The following YIPF7 variants were observed in gnomAD, a reference collection of about 807,000 sequenced individuals.
The protein encoded by YIPF7 is Yip1 domain family member 7.
YIPF7 carries 35 observed loss-of-function variants against 27.2 expected under a neutral mutation model. The ratio of observed to expected loss-of-function variants is 1.29; its 90% confidence interval spans 0.98 to 1.70. The LOEUF (loss-of-function observed/expected upper bound fraction) is 1.70, where lower values mean the gene tolerates loss of function less well. YIPF7 is among the 40% of genes most tolerant of loss of function. YIPF7 has a pLI of 0.00. For missense variants in YIPF7, 358 were observed against 303.7 expected (o/e 1.18, Z -1.33); for synonymous variants, 137 against 110.4 (o/e 1.24, Z -1.51).
intron 2 of YIPF7, among the ~76,000 whole-genome samples, chr4:44,659,643 T>A (rs1202044273): frequency 6.6e-6 from 1 of 152,192 alleles, no homozygotes; most frequent in African/African-American, 2.4e-5. Flanking sequence ...CTAGTTTTAG[T>A]AAGGCTGAAG....
At chr4:44,638,936 T>G (rs998343974) in intron 2 of YIPF7, among the ~76,000 whole-genome samples, 1 of 152,238 alleles carries the variant, frequency 6.6e-6, no homozygotes, top group Non-Finnish European at 1.5e-5. Context: ...GCACCATTTA[T>G]TGAAAAGAGT....
At chr4:44,632,712 T>G (rs1246683681) in intron 3 of YIPF7, among the ~76,000 whole-genome samples, 2 of 152,342 alleles carry the variant, frequency 1.3e-5, no homozygotes, top group East Asian at 3.9e-4. Flanking sequence ...AAATTGTATT[T>G]TTTTTATATC....
At chr4:44,655,023 T>C (rs1713851485), upstream of YIPF7, among the ~76,000 whole-genome samples, 1 of 152,004 alleles carries the variant, frequency 6.6e-6, no homozygotes, top group Admixed American at 6.6e-5. Flanking sequence ...GCAGTAGGAA[T>C]CAATAGGAAT....
chr4:44,646,796 C>T (rs1191394218), intron 2 of YIPF7, among the ~76,000 whole-genome samples: 5 of 151,902 alleles, frequency 3.3e-5, no homozygotes, highest in Non-Finnish European at 5.9e-5. Flanking sequence ...TGTGGACAGG[C>T]GTGAAGGAAG....
intron 3 of YIPF7, among the ~76,000 whole-genome samples, chr4:44,635,287 G>GA (rs1004556756): frequency 1.9e-3 from 274 of 146,762 alleles, no homozygotes; most frequent in Admixed American, 6.1e-3. Context: ...GGCTACATAT[G>GA]AAAAAAAAAA....
intron 4 of YIPF7, among the ~76,000 whole-genome samples, chr4:44,628,685 T>C (rs550259466): frequency 6.6e-6 from 1 of 152,222 alleles, no homozygotes; most frequent in South Asian, 2.1e-4. Context: ...TAATGAAACA[T>C]TTTCCTAAAC....
rs113443231 is a variant in YIPF7, at chr4:44,624,216, C to T, written c.608+385G>A. Among the ~76,000 whole-genome samples, 1,393 of 152,006 alleles carry T rather than the reference C, an allele frequency of 9.2e-3. 27 individuals carry two copies. The highest frequency in any genetic ancestry group is 0.032 in the African/African-American group (1,332 of 41,458). ...AGTAGATGGGATTACAGGCCTGCGC[C>T]ACCATGCCTGGCTAATTTTGTATTT... On this transcript the variant is annotated intron_variant, in intron 5 of 5. Coordinates refer to ENST00000415895, the MANE Select transcript of YIPF7 (RefSeq NM_182592.3).
intron 1 of YIPF7, among the ~76,000 whole-genome samples, chr4:44,651,170 T>C (rs1713727373): frequency 1.3e-5 from 2 of 152,198 alleles, no homozygotes; most frequent in East Asian, 1.9e-4. Context: ...TTGTCAAATA[T>C]ATCAAATTTG....
Position 44,622,267 on chromosome 4 carries a change from C to T in YIPF7, c.*147G>A, listed in dbSNP as rs1431921813. ...TTCAAACCAACAGGCTATTAGAGCA[C>T]CACCCTTAAGTGCTGCTTTGTCTCT... On this transcript the variant is annotated 3_prime_UTR_variant, in exon 6 of 6. Coordinates refer to ENST00000415895, the MANE Select transcript of YIPF7 (RefSeq NM_182592.3). The T allele has an allele frequency of 1.4e-5, 14 of 980,082 alleles. No homozygotes were observed. The highest frequency in any genetic ancestry group is 1.3e-4 in the South Asian group (7 of 55,284). The allele number at this position is 980,082 out of a possible 1,614,324, so 60.7% of individuals were successfully genotyped here.
chr4:44,624,911 A>G lies in YIPF7; in HGVS notation c.427-129T>C, dbSNP rs996080602. ...TCCATGTCTTTGTAGGACTGTCATCAGGAGACTGGAAGTTCTGGGAAAAAC... is the reference window on the plus strand; with the variant it reads ...TCCATGTCTTTGTAGGACTGTCATCGGGAGACTGGAAGTTCTGGGAAAAAC... On this transcript the variant is annotated intron_variant, in intron 4 of 5. Coordinates refer to ENST00000415895, the MANE Select transcript of YIPF7 (RefSeq NM_182592.3). 7.4e-6 allele frequency: 6 copies of G among 806,632 alleles called. No homozygotes were observed. In the African/African-American group the frequency reaches 8.8e-5, roughly 12 times the overall value. The allele number at this position is 806,632 out of a possible 1,614,324, so 50.0% of individuals were successfully genotyped here.
chr4:44,629,724 G>A (rs1045081503), intron 3 of YIPF7, among the ~76,000 whole-genome samples, 176 bp from the exon 4 acceptor site: 7 of 106,112 alleles, frequency 6.6e-5, no homozygotes, highest in Non-Finnish European at 1.5e-4. Flanking sequence ...CAAGTTCTAT[G>A]TAACATATAA....
At chr4:44,636,232 T>G in intron 2 of YIPF7, 147 bp from the exon 3 acceptor site, 1 of 893,914 alleles carries the variant, frequency 1.1e-6, no homozygotes, top group Non-Finnish European at 1.6e-6. Context: ...AATTTAACTT[T>G]AGTCCAAAAA....
chr4:44,624,594 C>T lies in YIPF7; in HGVS notation c.608+7G>A. 6.4e-7 allele frequency: 1 copy of T among 1,574,214 alleles called. No individual in the cohort carries two copies. Among genetic ancestry groups the T allele is most frequent in the Non-Finnish European group, 8.6e-7 (1 of 1,161,472 alleles). On this transcript the variant is annotated splice_region_variant and intron_variant, in intron 5 of 5. Transcript: ENST00000415895. ...TGTGGGGTCATTGAGAGCACACAGA[C>T]ACTTACTGCAGTGAAAAGAACATGG...
At chr4:44,658,123 C>T (rs1164789278) in intron 2 of YIPF7, among the ~76,000 whole-genome samples, 1 of 152,070 alleles carries the variant, frequency 6.6e-6, no homozygotes, top group East Asian at 1.9e-4. Flanking sequence ...CCCCTGTCCC[C>T]CTACCAAATC....
intron 2 of YIPF7, among the ~76,000 whole-genome samples, chr4:44,642,909 C>T (rs960919497): frequency 3.3e-5 from 5 of 152,112 alleles, no homozygotes; most frequent in African/African-American, 1.2e-4. Context: ...ATAAATTATC[C>T]AGTCTCAGGT....
At chr4:44,640,960 C>T (rs1713302662) in intron 2 of YIPF7, among the ~76,000 whole-genome samples, 1 of 151,960 alleles carries the variant, frequency 6.6e-6, no homozygotes, top group Non-Finnish European at 1.5e-5. Flanking sequence ...TCAGAAAGAG[C>T]ATGGAACCCA....
At chr4:44,656,660 T>G (rs1713909227) in intron 2 of YIPF7, among the ~76,000 whole-genome samples, 1 of 152,078 alleles carries the variant, frequency 6.6e-6, no homozygotes, top group Non-Finnish European at 1.5e-5. Flanking sequence ...TTTACTCTTG[T>G]GTTCATTATT....
chr4:44,630,957 A>G (rs1712871387), intron 3 of YIPF7, among the ~76,000 whole-genome samples: 2 of 152,228 alleles, frequency 1.3e-5, no homozygotes, highest in African/African-American at 4.8e-5. Context: ...GAATATCAGT[A>G]AGGGTGAGGT....
chr4:44,637,739 C>T (rs1300298293), intron 2 of YIPF7, among the ~76,000 whole-genome samples: 1 of 152,150 alleles, frequency 6.6e-6, no homozygotes, highest in Admixed American at 6.5e-5. Context: ...CTATTCCTCA[C>T]ACCCCTCCCA....
Sources: gnomAD v4.1 joint callset for allele counts (sites outside exome capture counted in the v4.1 genomes callset) on GRCh38, gnomAD v4.1.1 for gene constraint, MANE v1.5 for transcripts, NCBI Gene and HGNC (gene_info 2026-07-23, HGNC 2026-07-21) for gene names.